Variants in DPP4 observed in about 807,000 individuals in gnomAD.
The protein encoded by DPP4 is dipeptidyl peptidase 4.
Under a neutral mutation model 122.4 loss-of-function variants are expected in DPP4, and 93 were observed. The ratio of observed to expected loss-of-function variants is 0.76; its 90% confidence interval spans 0.64 to 0.90. DPP4 has a LOEUF of 0.90. Ranked by LOEUF, DPP4 falls within the 40% of genes least tolerant of loss-of-function variation. DPP4 has a pLI of 0.00. For missense variants in DPP4, 914 were observed against 907.3 expected, an observed-to-expected ratio of 1.01 and a Z score of -0.09; for synonymous variants, 321 against 302.9, an observed-to-expected ratio of 1.06 and a Z score of -0.62.
Position 162,074,039 on chromosome 2 carries a change from C to A in DPP4, c.-58G>T. On this transcript the variant is annotated 5_prime_UTR_variant, in exon 1 of 26. Coordinates refer to ENST00000360534, the MANE Select transcript of DPP4 (RefSeq NM_001935.4). Reference sequence around the variant, plus strand: ...GAAGGAGCGCAGGCAGAAGTCACCGCGGGCGGCGGAGACGCGCGTCCTGCA... The same window carrying A: ...GAAGGAGCGCAGGCAGAAGTCACCGAGGGCGGCGGAGACGCGCGTCCTGCA... The A allele has an allele frequency of 1.9e-6, 3 of 1,593,450 alleles. No homozygotes were observed.
chr2:162,052,175 G>A (rs755586037), intron 2 of DPP4, among the ~76,000 whole-genome samples: 3 of 151,866 alleles, frequency 2.0e-5, no homozygotes, highest in Non-Finnish European at 4.4e-5. Flanking sequence ...AAAATTAGCC[G>A]GGCGTGGTGG....
intron 19 of DPP4, among the ~76,000 whole-genome samples, chr2:162,014,144 G>A (rs1488613896): frequency 6.6e-6 from 1 of 152,100 alleles, no homozygotes; most frequent in Non-Finnish European, 1.5e-5. Flanking sequence ...AATTCCCTTG[G>A]AGTTCAGAGA....
intron 2 of DPP4, among the ~76,000 whole-genome samples, chr2:162,062,751 A>C (rs1049999337): frequency 6.6e-6 from 1 of 152,134 alleles, no homozygotes; most frequent in Non-Finnish European, 1.5e-5. Context: ...AGCCAGAGAA[A>C]CTCTGCTTTT....
chr2:161,992,638 G>T lies in DPP4; in HGVS notation c.*645C>A, dbSNP rs1251804211. On this transcript the variant is annotated 3_prime_UTR_variant, in exon 26 of 26. Coordinates refer to ENST00000360534, the MANE Select transcript of DPP4 (RefSeq NM_001935.4). ...CACCTGGGGGCCTGCGTTGCTGGCA[G>T]TTTCCCTTACATTTCTTTGGAGTCT... The T allele has an allele frequency of 6.5e-6, 1 of 152,764 alleles. No individual in the cohort carries two copies. The highest frequency in any genetic ancestry group is 2.4e-5 in the African/African-American group (1 of 41,458). The allele number at this position is 152,764 out of a possible 1,614,324, so 9.5% of individuals were successfully genotyped here.
intron 10 of DPP4, among the ~76,000 whole-genome samples, chr2:162,026,677 C>A (rs955605888): frequency 6.6e-6 from 1 of 152,206 alleles, no homozygotes; most frequent in Admixed American, 6.5e-5. Flanking sequence ...AGTGCAACTG[C>A]CACTTTCCAT....
chr2:162,013,937 C>T (rs575379274), intron 19 of DPP4, among the ~76,000 whole-genome samples: 84 of 152,262 alleles, frequency 5.5e-4, no homozygotes, highest in Non-Finnish European at 9.1e-4. Flanking sequence ...GAACGCTCTC[C>T]TCTATCACTT....
chr2:161,995,309 T>C lies in DPP4; in HGVS notation c.2116A>G (p.Thr706Ala). 1.9e-6 allele frequency: 3 copies of C among 1,613,946 alleles called. No homozygotes were observed. The highest frequency in any genetic ancestry group is 1.7e-6 in the Non-Finnish European group (2 of 1,179,832). Residue 706 changes from threonine (T) to alanine (A), a missense_variant, in exon 24 of 26, where the codon ACA (threonine) becomes GCA (alanine). Transcript: ENST00000360534. Reference protein sequence around the residue: ...KQVEYLLIHGTADDNVHFQQS... With the variant: ...KQVEYLLIHGAADDNVHFQQS... ...ATTAACTGAAACTCACCATCTGCTG[T>C]TCCATGAATAAGGAGGTACTCAACT...
At chr2:162,043,132 G>A (rs1367400129) in intron 5 of DPP4, among the ~76,000 whole-genome samples, 4 of 152,220 alleles carry the variant, frequency 2.6e-5, no homozygotes, top group Non-Finnish European at 5.9e-5. Context: ...GAGGCCCACA[G>A]CTATGCTGAG....
chr2:162,050,330 T>C (rs933435946), intron 2 of DPP4, among the ~76,000 whole-genome samples: 2 of 152,214 alleles, frequency 1.3e-5, no homozygotes, highest in African/African-American at 4.8e-5. Flanking sequence ...ATAGATGTAA[T>C]TTGAAATATA....
In DPP4 at chr2:162,050,877, C is replaced by T. The variant is rs542867965; in HGVS notation, c.95-3376G>A. 6.4e-4 allele frequency among the ~76,000 whole-genome samples: 97 copies of T among 152,362 alleles called. 1 individual carries two copies. The highest frequency in any genetic ancestry group is 2.3e-3 in the African/African-American group (94 of 41,590). Reference sequence around the variant, plus strand: ...ATGATTCGTCTTCCTTGTCTACTTGCTCACTGACAGGGCACTGCTGCGGCA... The same window carrying T: ...ATGATTCGTCTTCCTTGTCTACTTGTTCACTGACAGGGCACTGCTGCGGCA... On this transcript the variant is annotated intron_variant, in intron 2 of 25. Coordinates refer to ENST00000360534, the MANE Select transcript of DPP4 (RefSeq NM_001935.4).
In DPP4 at chr2:161,994,955, C is replaced by T. The variant is rs1236908435; in HGVS notation, c.2199+6G>A. Reference sequence around the variant, plus strand: ...TTCCCTCCCCTTGCACAAAGTTTTTCTATACCATTGCCTGGAAATCCACTC... The same window carrying T: ...TTCCCTCCCCTTGCACAAAGTTTTTTTATACCATTGCCTGGAAATCCACTC... On this transcript the variant is annotated splice_donor_region_variant and intron_variant, in intron 25 of 25. Coordinates refer to ENST00000360534, the MANE Select transcript of DPP4 (RefSeq NM_001935.4). 1.2e-6 allele frequency: 2 copies of T among 1,613,940 alleles called. No individual in the cohort carries two copies. Among genetic ancestry groups the T allele is most frequent in the Admixed American group, 3.3e-5 (2 of 60,016 alleles).
At chr2:162,000,908 T>C (rs1253760546) in intron 23 of DPP4, among the ~76,000 whole-genome samples, 1 of 152,140 alleles carries the variant, frequency 6.6e-6, no homozygotes, top group African/African-American at 2.4e-5. Flanking sequence ...TTGGCCAGCA[T>C]TTGGCCTGCT....
Position 162,047,504 on chromosome 2 carries a change from G to T in DPP4, c.95-3C>A. The T allele has an allele frequency of 6.4e-7, 1 of 1,551,428 alleles. No individual in the cohort carries two copies. Among genetic ancestry groups the T allele is most frequent in the South Asian group, 1.2e-5 (1 of 81,742 alleles). ...ACTGTCAGCTGTAGCATCATCTGCT[G>T]GTTGAAAGAAAGAGCCAAATGTTCA... On this transcript the variant is annotated splice_region_variant and splice_polypyrimidine_tract_variant and intron_variant, in intron 2 of 25. Coordinates refer to ENST00000360534, the MANE Select transcript of DPP4 (RefSeq NM_001935.4).
intron 22 of DPP4, among the ~76,000 whole-genome samples, chr2:162,006,542 AGC>A (rs1254049495): frequency 6.6e-6 from 1 of 152,150 alleles, no homozygotes; most frequent in African/African-American, 2.4e-5. Context: ...ATAACAGTTG[AGC>A]ACTGTGAAAC....
intron 11 of DPP4, among the ~76,000 whole-genome samples, chr2:162,023,616 C>T (rs939668806): frequency 4.6e-5 from 7 of 152,232 alleles, no homozygotes; most frequent in African/African-American, 9.6e-5. Context: ...AGCTCTCCCA[C>T]ATCATCTCCT....
intron 5 of DPP4, among the ~76,000 whole-genome samples, chr2:162,039,680 T>C (rs1683919618): frequency 6.6e-6 from 1 of 152,104 alleles, no homozygotes; most frequent in Non-Finnish European, 1.5e-5. Context: ...ACATATATCA[T>C]CAATATTTTA....
At chr2:162,030,636 T>A (rs1295050484) in intron 10 of DPP4, among the ~76,000 whole-genome samples, 1 of 152,118 alleles carries the variant, frequency 6.6e-6, no homozygotes, top group Non-Finnish European at 1.5e-5. Context: ...AAACGGTGTA[T>A]CATCATGTAC....
At position 162,073,399 on chromosome 2, in the gene DPP4, T is replaced by C; in HGVS notation, c.94A>G (p.Thr32Ala). The change falls in exon 2 of 26, where the codon ACA becomes GCA. Residue 32 changes from threonine (T) to alanine (A), a missense_variant and splice_region_variant. By Grantham distance (58) the Thr-to-Ala change is moderately conservative. Coordinates refer to ENST00000360534, the MANE Select transcript of DPP4 (RefSeq NM_001935.4). ...TVPVVLLNKG[T>A]DDATADSRKT... ...TCTTTTTCAAATGTTTCAAACTTAC[T>C]GCCTTTGTTCAGCAGAACCACGGGC... The C allele has an allele frequency of 6.2e-7, 1 of 1,614,002 alleles. No individual in the cohort carries two copies. The highest frequency in any genetic ancestry group is 8.5e-7 in the Non-Finnish European group (1 of 1,179,988).
At chr2:162,013,683 C>G (rs1273204977) in intron 19 of DPP4, among the ~76,000 whole-genome samples, 1 of 152,046 alleles carries the variant, frequency 6.6e-6, no homozygotes, top group African/African-American at 2.4e-5. Context: ...GGTCCCTGCA[C>G]TAGTGTTGTT....
Sources: gnomAD v4.1 joint callset for allele counts (sites outside exome capture counted in the v4.1 genomes callset) on GRCh38, gnomAD v4.1.1 for gene constraint, MANE v1.5 for transcripts, NCBI Gene and HGNC (gene_info 2026-07-23, HGNC 2026-07-21) for gene names.